The following SUCLA2 variants were observed in gnomAD, a reference collection of about 807,000 sequenced individuals.
SUCLA2 encodes the protein succinate-CoA ligase ADP-forming subunit beta.
SUCLA2 carries 30 observed loss-of-function variants against 54.8 expected under a neutral mutation model. The observed-to-expected ratio is 0.55, with a 90% CI of 0.41 to 0.74. The LOEUF (loss-of-function observed/expected upper bound fraction) is 0.74. SUCLA2 is among the 30% of genes least tolerant of loss of function. The pLI is 0.00. For missense variants in SUCLA2, 476 were observed against 562.9 expected (o/e 0.85, Z 1.56); for synonymous variants, 172 against 188.9 (o/e 0.91, Z 0.74).
intron 6 of SUCLA2, among the ~76,000 whole-genome samples, chr13:47,961,752 G>C (rs916510920): frequency 2.6e-5 from 4 of 152,152 alleles, no homozygotes; most frequent in African/African-American, 4.8e-5. Context: ...TTATGATTAT[G>C]TTAAATTGTT....
intron 4 of SUCLA2, among the ~76,000 whole-genome samples, chr13:47,982,457 A>C (rs1950067323): frequency 6.6e-6 from 1 of 150,632 alleles, no homozygotes; most frequent in African/African-American, 2.5e-5. Context: ...TTCAATGAAT[A>C]GTTTTAATTT....
intron 2 of SUCLA2, among the ~76,000 whole-genome samples, chr13:47,992,542 C>T (rs149274744): frequency 9.7e-4 from 147 of 152,240 alleles, no homozygotes; most frequent in African/African-American, 3.2e-3. Flanking sequence ...ATCTACATAC[C>T]AGACACTGTG....
Position 47,996,911 on chromosome 13 carries a change from C to G in SUCLA2, c.203G>C (p.Gly68Ala), listed in dbSNP as rs1191087490. 2 of 1,613,958 alleles carry G rather than the reference C, an allele frequency of 1.2e-6. No individual in the cohort carries two copies. The highest frequency in any genetic ancestry group is 1.7e-5 in the Admixed American group (1 of 60,000). Residue 68 changes from glycine (G) to alanine (A), a missense_variant, in exon 2 of 11, where the codon GGT (glycine) becomes GCT (alanine). Physicochemically the swap from Gly to Ala is moderately conservative, Grantham distance 60. Transcript: ENST00000646932. ...CACATATCCTTTGGGAACGGAGACA[C>G]CAGCTTCTTGCAATAATTCCATACT... ...YMSMELLQEAGVSVPKGYVAK... is the reference protein window; with the variant it reads ...YMSMELLQEAAVSVPKGYVAK...
intron 2 of SUCLA2, among the ~76,000 whole-genome samples, chr13:47,995,307 G>A (rs1040594666): frequency 4.4e-5 from 1 of 22,928 alleles, no homozygotes; most frequent in African/African-American, 3.5e-4. Context: ...TCCAATTATA[G>A]GTCACCATTA....
chr13:47,986,088 T>A (rs1950101807), intron 4 of SUCLA2, among the ~76,000 whole-genome samples: 1 of 146,720 alleles, frequency 6.8e-6, no homozygotes. Flanking sequence ...GGGAGTGCAG[T>A]AGCACAACCT....
chr13:47,998,194 T>C (rs998308913), intron 1 of SUCLA2, among the ~76,000 whole-genome samples: 2 of 151,816 alleles, frequency 1.3e-5, no homozygotes, highest in Non-Finnish European at 2.9e-5. Flanking sequence ...GGAGGATCCC[T>C]TCAGCTCAGG....
At chr13:47,979,029 G>C (rs1950040519) in intron 4 of SUCLA2, among the ~76,000 whole-genome samples, 1 of 152,338 alleles carries the variant, frequency 6.6e-6, no homozygotes, top group Middle Eastern at 3.4e-3. Flanking sequence ...ATGCTGGAGA[G>C]AATGTGGAGA....
At chr13:47,961,231 G>A (rs556496652) in intron 6 of SUCLA2, among the ~76,000 whole-genome samples, 1 of 152,220 alleles carries the variant, frequency 6.6e-6, no homozygotes, top group South Asian at 2.1e-4. Context: ...GTAATATTAA[G>A]AGATAAAAGA....
At chr13:47,994,448 A>G (rs2137750694) in intron 2 of SUCLA2, among the ~76,000 whole-genome samples, 1 of 151,692 alleles carries the variant, frequency 6.6e-6, no homozygotes, top group South Asian at 2.1e-4. Flanking sequence ...GGCACCTGTA[A>G]TCCCAGCTAC....
At chr13:47,948,786 T>C (rs1189188675) in intron 10 of SUCLA2, among the ~76,000 whole-genome samples, 154 bp downstream of exon 10, 1 of 152,202 alleles carries the variant, frequency 6.6e-6, no homozygotes, top group Non-Finnish European at 1.5e-5. Flanking sequence ...TGCCTTAACA[T>C]CTTTCAGCAA....
intron 2 of SUCLA2, among the ~76,000 whole-genome samples, chr13:47,993,697 A>G (rs1252969329): frequency 6.6e-6 from 1 of 152,190 alleles, no homozygotes; most frequent in Admixed American, 6.5e-5. Flanking sequence ...TAAAGCATTT[A>G]TGTTCTATTA....
intron 2 of SUCLA2, among the ~76,000 whole-genome samples, chr13:47,994,293 G>T (rs1950174011): frequency 6.6e-6 from 1 of 151,790 alleles, no homozygotes; most frequent in Non-Finnish European, 1.5e-5. Flanking sequence ...AATTGGGCTG[G>T]GTGCGGTGGC....
chr13:47,951,453 G>A (rs1949775132), intron 8 of SUCLA2, among the ~76,000 whole-genome samples: 1 of 152,042 alleles, frequency 6.6e-6, no homozygotes, highest in African/African-American at 2.4e-5. Flanking sequence ...ACTGCCACCT[G>A]CATGCTCAAT....
intron 4 of SUCLA2, among the ~76,000 whole-genome samples, chr13:47,983,405 T>C (rs1950074295): frequency 6.6e-6 from 1 of 151,760 alleles, no homozygotes; most frequent in South Asian, 2.1e-4. Flanking sequence ...CAGATAACCA[T>C]AAAATATAAT....
chr13:47,966,326 GATT>G (rs1240179955), intron 6 of SUCLA2, among the ~76,000 whole-genome samples: 1 of 152,018 alleles, frequency 6.6e-6, no homozygotes, highest in African/African-American at 2.4e-5. Flanking sequence ...AGTAAGGAAT[GATT>G]TAGTTCAGCA....
chr13:47,987,113 A>G (rs1950110340), intron 4 of SUCLA2, among the ~76,000 whole-genome samples: 1 of 152,354 alleles, frequency 6.6e-6, no homozygotes, highest in African/African-American at 2.4e-5. Context: ...GTATTAAAAT[A>G]AAAACATTTT....
intron 10 of SUCLA2, among the ~76,000 whole-genome samples, chr13:47,945,060 A>G (rs1054678892): frequency 1.4e-4 from 22 of 151,830 alleles, no homozygotes; most frequent in African/African-American, 5.1e-4. Context: ...GACCAGCCTG[A>G]CCAACATGGT....
intron 2 of SUCLA2, 121 bp downstream of exon 2, chr13:47,996,722 A>T: frequency 1.2e-6 from 1 of 848,650 alleles, no homozygotes; most frequent in Non-Finnish European, 1.8e-6. Flanking sequence ...CTTCTATTTT[A>T]AGCAAAGAAA....
chr13:47,957,620 T>C (rs1949831993), intron 6 of SUCLA2, among the ~76,000 whole-genome samples: 1 of 152,224 alleles, frequency 6.6e-6, no homozygotes, highest in African/African-American at 2.4e-5. Context: ...TTTGCTCCTC[T>C]CATTTTGGGA....
Sources: allele counts gnomAD v4.1 joint callset (sites outside exome capture counted in the v4.1 genomes callset), GRCh38; gene constraint gnomAD v4.1.1; transcripts MANE v1.5; gene names NCBI Gene and HGNC (gene_info 2026-07-23, HGNC 2026-07-21).